KCNH3: variants seen among roughly 807,000 people sequenced by gnomAD.
KCNH3 encodes the protein potassium voltage-gated channel subfamily H member 3, also known as voltage-gated inwardly rectifying potassium channel KCNH3.
In KCNH3, 36 loss-of-function variants were observed where a neutral mutation model predicts 95.6. The ratio of observed to expected loss-of-function variants is 0.38; its 90% confidence interval spans 0.29 to 0.50. The LOEUF (loss-of-function observed/expected upper bound fraction) is 0.50. Among genes scored for constraint, KCNH3 ranks in the 20% least tolerant of loss-of-function variants. The pLI, the probability that KCNH3 is intolerant of heterozygous loss-of-function variation, is 0.95. For synonymous variants in KCNH3, 620 were observed against 646.3 expected (o/e 0.96, Z 0.62); for missense variants, 1,030 against 1,484.1 (o/e 0.69, Z 5.03).
chr12:49,548,791 G>A (rs1938154786), intron 7 of KCNH3, 104 bp from the exon 8 acceptor site: 2 of 1,232,958 alleles, frequency 1.6e-6, no homozygotes, highest in South Asian at 1.6e-5. Context: ...AAAGCGGCGG[G>A]AAGCCATGGG....
In KCNH3 at chr12:49,555,663, C is replaced by T. The variant is rs760188546; in HGVS notation, c.2180C>T (p.Thr727Met). Residue 727 changes from threonine (T) to methionine (M), a missense_variant, in exon 12 of 15, where the codon ACG becomes ATG. Coordinates refer to ENST00000257981, the MANE Select transcript of KCNH3 (RefSeq NM_012284.3). ...SLSGDNTLMSTLEEKETDGEQ... is the reference protein window; with the variant it reads ...SLSGDNTLMSMLEEKETDGEQ... ...AGCGGCGACAATACCCTTATGTCCA[C>T]GCTGGAGGAGAAGGAGACAGATGGG... 10 of 1,594,640 alleles carry T rather than the reference C, an allele frequency of 6.3e-6. No individual in the cohort carries two copies. Among genetic ancestry groups the T allele is most frequent in the Admixed American group, 1.7e-5 (1 of 58,118 alleles).
intron 10 of KCNH3, among the ~76,000 whole-genome samples, chr12:49,551,330 C>T (rs762196711): frequency 6.6e-6 from 1 of 152,266 alleles, no homozygotes; most frequent in South Asian, 2.1e-4. Context: ...AATTCCAGCA[C>T]TTTGGCAGGC....
chr12:49,549,918 C>T (rs768993159), intron 9 of KCNH3, among the ~76,000 whole-genome samples, 162 bp from the exon 10 acceptor site: 10 of 152,204 alleles, frequency 6.6e-5, no homozygotes, highest in Non-Finnish European at 1.0e-4. Context: ...GAAGCCCCCT[C>T]GCTGCCACCC....
intron 7 of KCNH3, among the ~76,000 whole-genome samples, chr12:49,548,582 A>T (rs1381706185): frequency 6.6e-6 from 1 of 152,086 alleles, no homozygotes; most frequent in Non-Finnish European, 1.5e-5. Flanking sequence ...GAATGCAGTG[A>T]GCACCCCAGT....
At chr12:49,544,141 T>TACCAACCCAAC in intron 6 of KCNH3, 34 bp from the exon 7 acceptor site, 1 of 1,413,406 alleles carries the variant, frequency 7.1e-7, no homozygotes. Flanking sequence ...CCCGCTGACC[T>TACCAACCCAAC]CCCTCCCTCC....
At chr12:49,548,126 G>A (rs1368140086) in intron 7 of KCNH3, among the ~76,000 whole-genome samples, 4 of 151,936 alleles carry the variant, frequency 2.6e-5, no homozygotes, top group African/African-American at 9.7e-5. Flanking sequence ...GTGTGTGTGT[G>A]TGTGTGTGCG....
At chr12:49,540,195 T>A (rs570122036) in intron 1 of KCNH3, among the ~76,000 whole-genome samples, 2 of 152,202 alleles carry the variant, frequency 1.3e-5, no homozygotes, top group South Asian at 4.1e-4. Flanking sequence ...TCCTCCTTGG[T>A]CTCCGGTTCC....
chr12:49,553,942 T>C (rs901168792), intron 10 of KCNH3, among the ~76,000 whole-genome samples: 12 of 152,242 alleles, frequency 7.9e-5, no homozygotes, highest in African/African-American at 2.9e-4. Flanking sequence ...CCATAGATAC[T>C]GTGACGCTGT....
Position 49,557,794 on chromosome 12 carries a change from G to A in KCNH3, c.3093G>A (p.Glu1031=). 1 of 1,606,398 alleles carries A rather than the reference G, an allele frequency of 6.2e-7. No individual in the cohort carries two copies. The change falls in exon 15 of 15, where the codon GAG becomes GAA. Residue 1031 remains glutamate (E), a synonymous_variant. Coordinates refer to ENST00000257981, the MANE Select transcript of KCNH3 (RefSeq NM_012284.3). ...AAGGGGCTAGGACTGGGCCCGCAGA[G>A]CCTGTGAGCCAGGCTGAGGCTACCA... ...SEEGARTGPA[E]PVSQAEATST... is the part of the protein sequence containing the mutation.
intron 7 of KCNH3, among the ~76,000 whole-genome samples, chr12:49,545,458 T>C (rs1050518762): frequency 4.0e-5 from 6 of 149,400 alleles, no homozygotes; most frequent in African/African-American, 1.5e-4. Flanking sequence ...AGTGGCGTGA[T>C]CTAGGCTCAC....
intron 7 of KCNH3, chr12:49,546,019 A>G (rs1281859970): frequency 2.6e-5 from 4 of 151,828 alleles, no homozygotes; most frequent in Non-Finnish European, 5.9e-5. Context: ...GCCTGTCTCC[A>G]CCACCCCCAA....
intron 10 of KCNH3, among the ~76,000 whole-genome samples, chr12:49,553,452 G>A (rs891467222): frequency 6.6e-6 from 1 of 152,138 alleles, no homozygotes; most frequent in African/African-American, 2.4e-5. Flanking sequence ...TTTATAGGGG[G>A]TTCTATCTGG....
intron 10 of KCNH3, among the ~76,000 whole-genome samples, chr12:49,550,538 G>A (rs1257506987): frequency 2.6e-5 from 4 of 152,188 alleles, no homozygotes; most frequent in South Asian, 4.1e-4. Context: ...ACACGATCTC[G>A]CAGGTGTCCC....
At position 49,558,103 on chromosome 12, in the gene KCNH3, C is replaced by T. The variant is rs879001352; in HGVS notation, c.*150C>T. The T allele has an allele frequency of 1.2e-6, 1 of 837,938 alleles. No individual in the cohort carries two copies. Among genetic ancestry groups the T allele is most frequent in the South Asian group, 4.0e-5 (1 of 25,104 alleles). 51.9% of individuals were successfully genotyped at this position (837,938 alleles called of 1,614,324 possible). On this transcript the variant is annotated 3_prime_UTR_variant, in exon 15 of 15. Transcript: ENST00000257981. ...AGCCTGGAAGCAAAGGAGGACCTGG[C>T]TCCTGACTCTCAGAGAGGATAGGCT...
chr12:49,547,413 C>T (rs1389675299), intron 7 of KCNH3, among the ~76,000 whole-genome samples: 2 of 152,240 alleles, frequency 1.3e-5, no homozygotes, highest in Admixed American at 1.3e-4. Context: ...AGGAATGACC[C>T]CCTCAGTTTC....
rs762196155 is a variant in KCNH3, at chr12:49,548,936, T to A, written c.1231T>A (p.Tyr411Asn). 1 of 1,599,680 alleles carries A rather than the reference T, an allele frequency of 6.3e-7. No individual in the cohort carries two copies. The highest frequency in any genetic ancestry group is 1.1e-5 in the South Asian group (1 of 89,320). The change falls in exon 8 of 15, where the codon TAC becomes AAC. Residue 411 changes from tyrosine to asparagine, a missense_variant. Around this residue, in one of 9 missense-constraint regions of KCNH3, gnomAD observed 50 missense variants for 41.0 expected, o/e 1.22. Coordinates refer to ENST00000257981, the MANE Select transcript of KCNH3 (RefSeq NM_012284.3). Reference protein sequence around the residue: ...ELARRLETPYYLVGRRPAGGN... With the variant: ...ELARRLETPYNLVGRRPAGGN... ...GGCCCGCCGACTGGAGACTCCCTAC[T>A]ACCTGGTGGGCCGGAGGCCAGCTGG... is the stretch of plus-strand genomic sequence containing the variant.
chr12:49,550,072 AC>A lies in KCNH3; in HGVS notation c.1669-6del. On this transcript the variant is annotated splice_polypyrimidine_tract_variant and splice_region_variant and intron_variant, in intron 9 of 14. Transcript: ENST00000257981. Reference sequence around the variant, plus strand: ...AACCCCCCCACCCCCGCACCTGCTCACCTGCAGCTGCTGCAGAGCCTCCCTG... The same window carrying A: ...AACCCCCCCACCCCCGCACCTGCTCACTGCAGCTGCTGCAGAGCCTCCCTG... 1 of 931,240 alleles carries A rather than the reference AC, an allele frequency of 1.1e-6. No individual in the cohort carries two copies. Among genetic ancestry groups the A allele is most frequent in the African/African-American group, 1.8e-5 (1 of 56,772 alleles). 57.7% of individuals were successfully genotyped at this position (931,240 alleles called of 1,614,324 possible). A position where few individuals can be genotyped will look rare whatever the true frequency, so the allele number is the denominator to read the frequency against.
chr12:49,551,780 G>A (rs1938272581), intron 10 of KCNH3, among the ~76,000 whole-genome samples: 1 of 151,098 alleles, frequency 6.6e-6, no homozygotes, highest in African/African-American at 2.4e-5. Context: ...TAGATTCACT[G>A]TGGGGACTGC....
Position 49,554,579 on chromosome 12 carries a change from G to A in KCNH3, c.2136+25G>A, listed in dbSNP as rs771948692. 7.6e-6 allele frequency: 12 copies of A among 1,586,274 alleles called. No individual in the cohort carries two copies. In the Admixed American group the frequency reaches 1.8e-4, roughly 24 times the overall value. ...GGTGAGTGTGCTGAGTATGTGCTTG[G>A]AGGGGATGGGGGTGCCAGGGAGCCT... On this transcript the variant is annotated intron_variant, in intron 11 of 14. Transcript: ENST00000257981.
Sources: allele counts gnomAD v4.1 joint callset (sites outside exome capture counted in the v4.1 genomes callset), GRCh38; gene constraint gnomAD v4.1.1; regional missense constraint gnomAD v4.1.1; transcripts MANE v1.5; gene names NCBI Gene and HGNC (gene_info 2026-07-23, HGNC 2026-07-21).